The following TAFA5 variants were observed in gnomAD, a reference collection of about 807,000 sequenced individuals.
TAFA5 encodes the protein TAFA chemokine like family member 5, also known as chemokine-like protein TAFA-5.
TAFA5 carries 6 observed loss-of-function variants against 15.3 expected under a neutral mutation model. The ratio of observed to expected loss-of-function variants is 0.39; its 90% CI spans 0.21 to 0.77. The LOEUF (loss-of-function observed/expected upper bound fraction) is 0.77, where lower values mean the gene tolerates loss of function less well. Among genes scored for constraint, TAFA5 ranks in the 30% least tolerant of loss-of-function variants. The pLI is 0.41. For missense variants in TAFA5, 161 were observed against 193.1 expected (o/e 0.83, Z 0.98); for synonymous variants, 103 against 80.7 (o/e 1.28, Z -1.48).
At chr22:48,679,917 AC>A in intron 2 of TAFA5, among the ~76,000 whole-genome samples, 1 of 152,022 alleles carries the variant, frequency 6.6e-6, no homozygotes, top group Non-Finnish European at 1.5e-5. Context: ...GACCAAGTCC[AC>A]CCCCAGCTCT....
rs1601829743 is a variant in TAFA5 at position 48,489,757 on chromosome 22, C to T, written c.112+53C>T. The stretch of plus-strand genomic sequence containing the variant: ...CACGGCCCTCTGGGCCCCGGACCCC[C>T]TCCTCCGGCCCCGGCAGGCGCCCCG... On this transcript the variant is annotated intron_variant, in intron 1 of 3. Transcript: ENST00000402357. This position sits in a 1 kb window ranked among gnomAD's most constrained non-coding sequence, Gnocchi z 5.5. 3 of 1,163,286 alleles carry T rather than the reference C, an allele frequency of 2.6e-6. No individual in the cohort carries two copies. The highest frequency in any genetic ancestry group is 7.0e-5 in the East Asian group (2 of 28,630). 72.1% of individuals were successfully genotyped at this position (1,163,286 alleles called of 1,614,324 possible). A position where few individuals can be genotyped will look rare whatever the true frequency, so the allele number is the denominator to read the frequency against.
At chr22:48,703,148 A>T (rs896876012) in intron 2 of TAFA5, among the ~76,000 whole-genome samples, 1 of 152,066 alleles carries the variant, frequency 6.6e-6, no homozygotes, top group Non-Finnish European at 1.5e-5. Flanking sequence ...GTAAATGGGC[A>T]TGTGTGTGCC....
chr22:48,549,501 T>A (rs1025228825), intron 1 of TAFA5, among the ~76,000 whole-genome samples: 2 of 152,228 alleles, frequency 1.3e-5, no homozygotes, highest in Non-Finnish European at 2.9e-5. Context: ...TTAAATCTTA[T>A]TCATGGTATT....
intron 1 of TAFA5, among the ~76,000 whole-genome samples, chr22:48,625,126 AAG>A (rs894030826): frequency 6.6e-6 from 1 of 151,030 alleles, no homozygotes; most frequent in South Asian, 2.1e-4. Flanking sequence ...AAAAAAAAAA[AAG>A]AGAGAGAGAG....
chr22:48,721,301 C>T (rs762479512), intron 3 of TAFA5, among the ~76,000 whole-genome samples: 19 of 152,198 alleles, frequency 1.2e-4, no homozygotes, highest in Admixed American at 2.0e-4. Context: ...TCAGCCCGCC[C>T]ACTGCCTTCA....
At chr22:48,626,586 A>G (rs185875408) in intron 1 of TAFA5, among the ~76,000 whole-genome samples, 217 of 152,288 alleles carry the variant, frequency 1.4e-3, no homozygotes, top group African/African-American at 5.1e-3. Context: ...TCCAGATAAC[A>G]ATTCTTCATC....
intron 3 of TAFA5, among the ~76,000 whole-genome samples, chr22:48,714,813 C>G (rs1929354613): frequency 6.6e-6 from 1 of 152,192 alleles, no homozygotes; most frequent in Non-Finnish European, 1.5e-5. Context: ...GCCAGGAGGT[C>G]CAAGATCAAG....
intron 1 of TAFA5, among the ~76,000 whole-genome samples, chr22:48,547,567 T>C (rs1922719407): frequency 6.6e-6 from 1 of 152,164 alleles, no homozygotes; most frequent in South Asian, 2.1e-4. Context: ...CACTGTGCAA[T>C]AGTGACAGTA....
rs531964132 is a variant in TAFA5, at chr22:48,533,208, C to T, written c.112+43504C>T. On this transcript the variant is annotated intron_variant, in intron 1 of 3. Transcript: ENST00000402357. ...CCCTGAGGAAGGGTGAGGGGACCGG[C>T]GGTGATTAGGGTGCAAGGAGCAAAG... 5.3e-5 allele frequency among the ~76,000 whole-genome samples: 8 copies of T among 152,216 alleles called. No homozygotes were observed. The South Asian group carries it at 6.2e-4, about 12-fold the overall frequency.
chr22:48,584,333 A>G (rs1454574723), intron 1 of TAFA5, among the ~76,000 whole-genome samples: 1 of 149,588 alleles, frequency 6.7e-6, no homozygotes, highest in Non-Finnish European at 1.5e-5. Flanking sequence ...CACCACACAG[A>G]TATCACACAC....
intron 2 of TAFA5, among the ~76,000 whole-genome samples, chr22:48,666,503 A>AAGCAATACTGAGGCCCG (rs1483343493): frequency 2.3e-3 from 342 of 149,556 alleles, no homozygotes; most frequent in South Asian, 5.8e-3. Flanking sequence ...ACTGAGGCCC[A>AAGCAATACTGAGGCCCG]TGACCAGGCG....
chr22:48,589,084 A>T (rs1003059071), intron 1 of TAFA5, among the ~76,000 whole-genome samples: 1 of 152,240 alleles, frequency 6.6e-6, no homozygotes, highest in African/African-American at 2.4e-5. Flanking sequence ...ATCCATCTTC[A>T]GACCCTCCTG....
chr22:48,644,802 G>T (rs1013220299), intron 1 of TAFA5, among the ~76,000 whole-genome samples: 7 of 152,190 alleles, frequency 4.6e-5, no homozygotes, highest in African/African-American at 1.7e-4. Context: ...TTGCCTGCAG[G>T]TTCCTCTCTG....
intron 1 of TAFA5, among the ~76,000 whole-genome samples, chr22:48,581,679 G>A (rs866308320): frequency 1.3e-5 from 2 of 152,206 alleles, no homozygotes; most frequent in Non-Finnish European, 2.9e-5. Flanking sequence ...ACATGTTCAT[G>A]TGTGTGCATA....
intron 2 of TAFA5, among the ~76,000 whole-genome samples, chr22:48,667,192 G>C (rs986171947): frequency 1.3e-5 from 2 of 152,200 alleles, no homozygotes; most frequent in South Asian, 4.1e-4. Flanking sequence ...CTGCCCATCC[G>C]AGCGGCCTGC....
At chr22:48,630,079 C>T (rs1018974491) in intron 1 of TAFA5, among the ~76,000 whole-genome samples, 4 of 152,168 alleles carry the variant, frequency 2.6e-5, no homozygotes, top group East Asian at 3.9e-4. Context: ...GGGGTCGGGG[C>T]GGGGGACGAG....
At chr22:48,698,843 G>T (rs1928811153) in intron 2 of TAFA5, among the ~76,000 whole-genome samples, 1 of 151,334 alleles carries the variant, frequency 6.6e-6, no homozygotes, top group Non-Finnish European at 1.5e-5. Context: ...CTTCCAGCCT[G>T]GCCCTGCAAC....
chr22:48,604,421 C>T (rs28679477), intron 1 of TAFA5, among the ~76,000 whole-genome samples: 11,905 of 152,258 alleles, frequency 0.078, 730 homozygotes, highest in East Asian at 0.23. Context: ...GGTTTTGAGC[C>T]GCCGTGGTGG....
intron 1 of TAFA5, among the ~76,000 whole-genome samples, chr22:48,493,213 G>A (rs1224330085): frequency 1.3e-5 from 2 of 152,228 alleles, no homozygotes; most frequent in Non-Finnish European, 2.9e-5. Context: ...GCACGAGCAG[G>A]TGGATGGTGG....
Sources: gnomAD v4.1 joint callset for allele counts (sites outside exome capture counted in the v4.1 genomes callset) on GRCh38, gnomAD v4.1.1 for gene constraint, Gnocchi (gnomAD v3.1) non-coding constraint, MANE v1.5 for transcripts, NCBI Gene and HGNC (gene_info 2026-07-23, HGNC 2026-07-21) for gene names.